LNX1: variants seen among roughly 807,000 people sequenced by gnomAD.
LNX1 encodes ligand of numb-protein X 1.
In LNX1, 54 loss-of-function variants were observed where a neutral mutation model predicts 68.4. The ratio of observed to expected loss-of-function variants is 0.79; its 90% CI spans 0.63 to 0.99. The LOEUF is 0.99. LNX1 is among the 50% of genes least tolerant of loss of function. LNX1 has a pLI of 0.00. For synonymous variants in LNX1, 336 were observed against 350.0 expected (o/e 0.96, Z 0.45); for missense variants, 906 against 926.4 (o/e 0.98, Z 0.29).
chr4:53,591,338 G>C (rs1251423464), intron 1 of LNX1, 50 bp downstream of exon 1: 1 of 955,184 alleles, frequency 1.0e-6, no homozygotes, highest in Non-Finnish European at 1.2e-6. Context: ...GATCCCTCAG[G>C]GGCCAGTGGT....
intron 2 of LNX1, among the ~76,000 whole-genome samples, chr4:53,601,627 G>T (rs1016034869): frequency 2.0e-5 from 3 of 152,210 alleles, no homozygotes; most frequent in African/African-American, 7.2e-5. Context: ...ATGCCATGTG[G>T]CTGCGGGGGT....
chr4:53,633,836 T>C (rs541790525), intron 1 of LNX1, among the ~76,000 whole-genome samples: 57 of 152,232 alleles, frequency 3.7e-4, no homozygotes, highest in African/African-American at 1.3e-3. Flanking sequence ...TGTGGGACTT[T>C]GGGGAGATTG....
At chr4:53,529,718 C>A (rs765545563) in intron 2 of LNX1, among the ~76,000 whole-genome samples, 2 of 152,104 alleles carry the variant, frequency 1.3e-5, no homozygotes, top group African/African-American at 4.8e-5. Flanking sequence ...TAGGACAGAG[C>A]CACATTGGAA....
upstream of LNX1, among the ~76,000 whole-genome samples, chr4:53,596,385 A>G (rs2109828884): frequency 6.6e-6 from 1 of 152,296 alleles, no homozygotes; most frequent in African/African-American, 2.4e-5. Flanking sequence ...CATTAAATCA[A>G]TTATTGAAGT....
At chr4:53,615,743 A>G (rs1449766706) in intron 2 of LNX1, among the ~76,000 whole-genome samples, 2 of 152,112 alleles carry the variant, frequency 1.3e-5, no homozygotes, top group Admixed American at 1.3e-4. Flanking sequence ...AAAATTATTT[A>G]TTCATTTATT....
At chr4:53,545,557 G>C (rs1227276401) in intron 2 of LNX1, among the ~76,000 whole-genome samples, 1 of 152,168 alleles carries the variant, frequency 6.6e-6, no homozygotes, top group Non-Finnish European at 1.5e-5. Flanking sequence ...TTGCTGCAAG[G>C]TTCCTAGGAG....
chr4:53,594,692 ACTTTCTTTT>A (rs1732673663), upstream of LNX1, among the ~76,000 whole-genome samples: 1 of 151,478 alleles, frequency 6.6e-6, no homozygotes, highest in Non-Finnish European at 1.5e-5. Flanking sequence ...TTACTTTCTT[ACTTTCTTTT>A]CTTTCTTTCT....
chr4:53,479,026 T>G (rs1425061033), intron 7 of LNX1, among the ~76,000 whole-genome samples: 4 of 152,134 alleles, frequency 2.6e-5, no homozygotes, highest in Admixed American at 2.6e-4. Flanking sequence ...AGAGTAAAAA[T>G]GGAGGAAGGA....
intron 2 of LNX1, among the ~76,000 whole-genome samples, chr4:53,513,719 C>A (rs143067453): frequency 6.6e-6 from 1 of 152,166 alleles, no homozygotes; most frequent in Non-Finnish European, 1.5e-5. Context: ...CATACTGGTC[C>A]AAGCCACCAT....
chr4:53,559,140 C>A (rs1401137906), intron 2 of LNX1, among the ~76,000 whole-genome samples: 1 of 152,132 alleles, frequency 6.6e-6, no homozygotes, highest in East Asian at 1.9e-4. Flanking sequence ...AGGAAGTAGA[C>A]CAGAGAAAAG....
Position 53,529,102 on chromosome 4 carries a change from A to AACACACACAC in LNX1, c.381-20885_381-20876dup, listed in dbSNP as rs201017055. ...CAATTACAGCTTAAGAGTCCTGACC[A>AACACACACAC]ACACACACACACACACACACACACA... On this transcript the variant is annotated intron_variant, in intron 2 of 10. Coordinates refer to ENST00000263925, the MANE Select transcript of LNX1 (RefSeq NM_001126328.3). Among the ~76,000 whole-genome samples, 788 of 138,394 alleles carry AACACACACAC rather than the reference A, an allele frequency of 5.7e-3. 6 individuals carry two copies. Among genetic ancestry groups the AACACACACAC allele is most frequent in the African/African-American group, 0.011 (409 of 38,444 alleles). The allele number at this position is 138,394 out of a possible 152,430, so 90.8% of individuals were successfully genotyped here. A position where few individuals can be genotyped will look rare whatever the true frequency, so the allele number is the denominator to read the frequency against.
rs778994289 is a variant in LNX1, at chr4:53,591,462, C to G, written c.-161G>C. 1.0e-6 allele frequency: 1 copy of G among 985,796 alleles called. No individual in the cohort carries two copies. Among genetic ancestry groups the G allele is most frequent in the Non-Finnish European group, 1.2e-6 (1 of 830,268 alleles). 61.1% of individuals were successfully genotyped at this position (985,796 alleles called of 1,614,324 possible). ...TCTCATTCCTTGTGGGTGAACCGAGCAGCTCCTTGGGCCGCCGGAGTTGTG... is the reference window on the plus strand; with the variant it reads ...TCTCATTCCTTGTGGGTGAACCGAGGAGCTCCTTGGGCCGCCGGAGTTGTG... On this transcript the variant is annotated 5_prime_UTR_variant, in exon 1 of 11. Transcript: ENST00000263925.
chr4:53,568,866 T>C (rs1193168957), intron 2 of LNX1, among the ~76,000 whole-genome samples: 1 of 151,920 alleles, frequency 6.6e-6, no homozygotes, highest in Non-Finnish European at 1.5e-5. Context: ...TATACACCAA[T>C]AACAGACAAA....
intron 1 of LNX1, among the ~76,000 whole-genome samples, 197 bp from the exon 2 acceptor site, chr4:53,574,285 G>T (rs1276850681): frequency 6.6e-6 from 1 of 152,160 alleles, no homozygotes; most frequent in Non-Finnish European, 1.5e-5. Flanking sequence ...GTTTTTCCAC[G>T]CATGCCAGTG....
chr4:53,574,160 A>T (rs1379849345), intron 1 of LNX1, 72 bp from the exon 2 acceptor site: 3 of 1,139,658 alleles, frequency 2.6e-6, no homozygotes, highest in Non-Finnish European at 3.6e-6. Flanking sequence ...TAGACATGAG[A>T]CAGGGCTGCC....
chr4:53,564,837 G>C (rs941490839), intron 2 of LNX1, among the ~76,000 whole-genome samples: 4 of 152,232 alleles, frequency 2.6e-5, no homozygotes, highest in African/African-American at 4.8e-5. Flanking sequence ...CTTGGGAAGC[G>C]CAAGGAGTCA....
chr4:53,639,835 C>T (rs1251874716), intron 1 of LNX1, among the ~76,000 whole-genome samples: 1 of 152,140 alleles, frequency 6.6e-6, no homozygotes, highest in African/African-American at 2.4e-5. Flanking sequence ...GATTTGAGAC[C>T]TGCCTGAGCA....
chr4:53,581,764 T>C (rs1327334517), intron 1 of LNX1, among the ~76,000 whole-genome samples: 2 of 152,194 alleles, frequency 1.3e-5, no homozygotes, highest in Non-Finnish European at 2.9e-5. Context: ...GAAGCTACAA[T>C]ACAAGATGAG....
chr4:53,478,254 C>T (rs2109409372), intron 8 of LNX1, among the ~76,000 whole-genome samples: 1 of 152,244 alleles, frequency 6.6e-6, no homozygotes, highest in Admixed American at 6.5e-5. Context: ...TAAAGAACCA[C>T]TTAGAATGAA....
Sources: allele counts gnomAD v4.1 joint callset (sites outside exome capture counted in the v4.1 genomes callset), GRCh38; gene constraint gnomAD v4.1.1; transcripts MANE v1.5; gene names NCBI Gene and HGNC (gene_info 2026-07-23, HGNC 2026-07-21).